Variants in USP15 observed in about 807,000 individuals in gnomAD.
The protein encoded by USP15 is ubiquitin carboxyl-terminal hydrolase 15.
In USP15, 18 loss-of-function variants were observed where a neutral mutation model predicts 127.1. That is an observed-to-expected ratio of 0.14 (90% CI 0.10 to 0.21). The LOEUF (loss-of-function observed/expected upper bound fraction) is 0.21, where lower values mean the gene tolerates loss of function less well. Among genes scored for constraint, USP15 ranks in the 10% least tolerant of loss-of-function variants. The probability of loss-of-function intolerance (pLI) is 1.00; values close to 1 mark genes in which losing one functional copy is unlikely to be tolerated. For synonymous variants in USP15, 364 were observed against 393.7 expected, an observed-to-expected ratio of 0.92 and a Z score of 0.89; for missense variants, 805 against 1,159.9, an observed-to-expected ratio of 0.69 and a Z score of 4.44.
At chr12:62,403,043 A>G (rs1465325916) in intron 21 of USP15, among the ~76,000 whole-genome samples, 1 of 152,090 alleles carries the variant, frequency 6.6e-6, no homozygotes, top group East Asian at 1.9e-4. Context: ...GATGACTTTT[A>G]CTTCACCATT....
At chr12:62,380,614 A>G (rs988565992) in intron 8 of USP15, among the ~76,000 whole-genome samples, 6 of 151,984 alleles carry the variant, frequency 3.9e-5, no homozygotes, top group African/African-American at 1.4e-4. Flanking sequence ...TCCAACACAA[A>G]TATCATCCTA....
intron 4 of USP15, among the ~76,000 whole-genome samples, chr12:62,321,128 C>G (rs1349006458): frequency 6.6e-6 from 1 of 151,998 alleles, no homozygotes; most frequent in East Asian, 1.9e-4. Context: ...ATTTCTAATT[C>G]CTACATCTCC....
At chr12:62,380,854 T>G (rs2066972047) in intron 8 of USP15, among the ~76,000 whole-genome samples, 1 of 152,098 alleles carries the variant, frequency 6.6e-6, no homozygotes, top group Non-Finnish European at 1.5e-5. Context: ...GAAAATTAAC[T>G]TATTTATAGT....
chr12:62,341,332 A>AT (rs1383661699), intron 6 of USP15, among the ~76,000 whole-genome samples: 2 of 152,160 alleles, frequency 1.3e-5, no homozygotes, highest in Middle Eastern at 3.4e-3. Context: ...TCTTCATCCA[A>AT]TTTGCCAGTC....
At chr12:62,325,759 C>T (rs1039280023) in intron 5 of USP15, 113 bp from the exon 6 acceptor site, 19 of 849,440 alleles carry the variant, frequency 2.2e-5, no homozygotes, top group Non-Finnish European at 3.3e-5. Flanking sequence ...CTACTGTTTT[C>T]CTTTAAATAA....
In USP15 at chr12:62,409,096, A is replaced by G. The variant is rs1271881375; in HGVS notation, c.*4721A>G. On this transcript the variant is annotated 3_prime_UTR_variant, in exon 22 of 22. Coordinates refer to ENST00000280377, the MANE Select transcript of USP15 (RefSeq NM_001252078.2). ...CTAATGATGGGGTAAAGAATTTTTA[A>G]ATGGATAATATAAAACAGACAGTTC... 1 of 152,158 alleles carries G rather than the reference A, an allele frequency of 6.6e-6. No individual in the cohort carries two copies. The highest frequency in any genetic ancestry group is 1.9e-4 in the East Asian group (1 of 5,202). 9.4% of individuals were successfully genotyped at this position (152,158 alleles called of 1,614,324 possible).
intron 1 of USP15, among the ~76,000 whole-genome samples, chr12:62,263,040 GA>G (rs1385275844): frequency 2.0e-5 from 3 of 152,142 alleles, no homozygotes; most frequent in African/African-American, 7.2e-5. Context: ...AAGTAGTAGA[GA>G]GCAAAAATTT....
At chr12:62,317,479 C>G (rs904201518) in intron 4 of USP15, among the ~76,000 whole-genome samples, 2 of 152,138 alleles carry the variant, frequency 1.3e-5, no homozygotes, top group African/African-American at 4.8e-5. Context: ...CTTACACAAT[C>G]TGTGTATGCT....
chr12:62,286,852 G>A (rs542171615), intron 1 of USP15, among the ~76,000 whole-genome samples: 2 of 151,604 alleles, frequency 1.3e-5, no homozygotes, highest in African/African-American at 2.4e-5. Flanking sequence ...CAGGGGAATC[G>A]CTTGAACCCG....
At chr12:62,333,970 T>C (rs1282026424) in intron 6 of USP15, 1 of 152,168 alleles carries the variant, frequency 6.6e-6, no homozygotes, top group African/African-American at 2.4e-5. Flanking sequence ...AAATCCCTTA[T>C]TTTTTAGGGA....
intron 1 of USP15, among the ~76,000 whole-genome samples, chr12:62,291,056 ACT>A (rs1592511311): frequency 6.6e-6 from 1 of 151,738 alleles, no homozygotes; most frequent in Non-Finnish European, 1.5e-5. Flanking sequence ...CAGTCTGATG[ACT>A]CTATGTCATG....
At position 62,377,284 on chromosome 12, in the gene USP15, A is replaced by G. The variant is rs75940745; in HGVS notation, c.916-4206A>G. Among the ~76,000 whole-genome samples, 1,066 of 152,326 alleles carry G rather than the reference A, an allele frequency of 7.0e-3. 9 individuals carry two copies. The highest frequency in any genetic ancestry group is 0.023 in the African/African-American group (972 of 41,568). ...TTATCTTTGTTCATTAAAACATGGT[A>G]TTTAATTGCAGCCAGTCCAAGTAAC... On this transcript the variant is annotated intron_variant, in intron 8 of 21. Coordinates refer to ENST00000280377, the MANE Select transcript of USP15 (RefSeq NM_001252078.2).
chr12:62,383,280 A>G (rs2067045097), intron 9 of USP15, among the ~76,000 whole-genome samples: 1 of 151,962 alleles, frequency 6.6e-6, no homozygotes, highest in South Asian at 2.1e-4. Flanking sequence ...CGTCAACCAG[A>G]CAATGTATAA....
At chr12:62,360,961 G>C (rs1420265827) in intron 8 of USP15, among the ~76,000 whole-genome samples, 1 of 147,332 alleles carries the variant, frequency 6.8e-6, no homozygotes, top group African/African-American at 2.5e-5. Context: ...TTTGATAAAA[G>C]CAAAAAAAAA....
rs11174457 is a variant in USP15 at position 62,391,883 on chromosome 12, T to C, written c.2301T>C (p.Ala767=). Reference sequence around the variant, plus strand: ...AAAGATATTTTGATGAAAATGCTGCTGAGGTAAGTCATCACTCACTCACTT... The same window carrying C: ...AAAGATATTTTGATGAAAATGCTGCCGAGGTAAGTCATCACTCACTCACTT... ...LKKRYFDENA[A]EDFEKHESVE... The change falls in exon 17 of 22, where the codon GCT becomes GCC. Residue 767 remains alanine, a synonymous_variant. Coordinates refer to ENST00000280377, the MANE Select transcript of USP15 (RefSeq NM_001252078.2). 0.076 allele frequency: 121,380 copies of C among 1,606,966 alleles called. 5,003 individuals carry two copies. The highest frequency in any genetic ancestry group is 0.11 in the Middle Eastern group (688 of 6,036).
intron 15 of USP15, 68 bp from the exon 16 acceptor site, chr12:62,391,089 T>C (rs2067312352): frequency 6.7e-7 from 1 of 1,494,878 alleles, no homozygotes; most frequent in African/African-American, 1.4e-5. Flanking sequence ...AAACCTAGGA[T>C]TAATAATATT....
At chr12:62,342,168 A>G (rs1455835569) in intron 6 of USP15, among the ~76,000 whole-genome samples, 2 of 151,608 alleles carry the variant, frequency 1.3e-5, no homozygotes, top group Non-Finnish European at 2.9e-5. Flanking sequence ...GTGATCTTCA[A>G]TCTGTGGTAT....
At chr12:62,281,673 A>G (rs1004355579) in intron 1 of USP15, among the ~76,000 whole-genome samples, 1 of 152,130 alleles carries the variant, frequency 6.6e-6, no homozygotes, top group Non-Finnish European at 1.5e-5. Flanking sequence ...CTGATGTTTC[A>G]TTACCATAAA....
chr12:62,350,182 A>G (rs1227837960), intron 7 of USP15, among the ~76,000 whole-genome samples: 1 of 152,022 alleles, frequency 6.6e-6, no homozygotes, highest in South Asian at 2.1e-4. Context: ...TTCAGTTTCT[A>G]AATGGCATCT....
Sources: allele counts gnomAD v4.1 joint callset (sites outside exome capture counted in the v4.1 genomes callset), GRCh38; gene constraint gnomAD v4.1.1; transcripts MANE v1.5; gene names NCBI Gene and HGNC (gene_info 2026-07-23, HGNC 2026-07-21).